The following MBD5 variants were observed in gnomAD, a reference collection of about 807,000 sequenced individuals.
The protein encoded by MBD5 is methyl-CpG-binding domain protein 5.
MBD5 carries 13 observed loss-of-function variants against 117.3 expected under a neutral mutation model. The observed-to-expected ratio is 0.11, with a 90% CI of 0.07 to 0.18. The LOEUF (loss-of-function observed/expected upper bound fraction) is 0.18. Ranked by LOEUF, MBD5 falls within the 10% of genes least tolerant of loss-of-function variation. The probability of loss-of-function intolerance (pLI) is 1.00; values close to 1 mark genes in which losing one functional copy is unlikely to be tolerated. For synonymous variants in MBD5, 727 were observed against 766.4 expected (o/e 0.95, Z 0.85); for missense variants, 1,879 against 2,093.8 (o/e 0.90, Z 2.00).
intron 3 of MBD5, among the ~76,000 whole-genome samples, chr2:148,318,157 G>A (rs553565020): frequency 2.6e-5 from 4 of 152,142 alleles, no homozygotes; most frequent in African/African-American, 9.7e-5. Flanking sequence ...TCTGACTGGT[G>A]TAAGATGGCA....
In MBD5 at chr2:148,463,780, C is replaced by T. The variant is rs542137271; in HGVS notation, c.258C>T (p.Thr86=). The change falls in exon 7 of 14, where the codon ACC becomes ACT. Residue 86 remains threonine, a synonymous_variant. Coordinates refer to ENST00000642680, the MANE Select transcript of MBD5 (RefSeq NM_001378120.1). ...FDPGAAVKQR[T]AEDVKADEDV... Reference sequence around the variant, plus strand: ...CTGGAGCTGCTGTGAAACAGAGAACCGCAGAAGATGTTAAGGCAGATGAAG... The same window carrying T: ...CTGGAGCTGCTGTGAAACAGAGAACTGCAGAAGATGTTAAGGCAGATGAAG... The T allele has an allele frequency of 9.9e-6, 16 of 1,613,618 alleles. No individual in the cohort carries two copies. Among genetic ancestry groups the T allele is most frequent in the Admixed American group, 1.7e-5 (1 of 59,960 alleles).
At chr2:148,362,616 G>A (rs918532448) in intron 4 of MBD5, among the ~76,000 whole-genome samples, 12 of 152,172 alleles carry the variant, frequency 7.9e-5, no homozygotes, top group Admixed American at 3.3e-4. Context: ...TGCATCTCCC[G>A]GCACAATGCT....
intron 3 of MBD5, among the ~76,000 whole-genome samples, chr2:148,283,877 C>A (rs1322976951): frequency 6.6e-6 from 1 of 152,144 alleles, no homozygotes; most frequent in Admixed American, 6.5e-5. Flanking sequence ...TCCTAACTTG[C>A]CACATTTGAT....
intron 1 of MBD5, among the ~76,000 whole-genome samples, chr2:148,104,245 T>C (rs1696310225): frequency 6.6e-6 from 1 of 152,176 alleles, no homozygotes; most frequent in African/African-American, 2.4e-5. Context: ...TCTTGTATCC[T>C]TAGCAGCTAA....
At chr2:148,149,951 C>G (rs1697596774) in intron 1 of MBD5, among the ~76,000 whole-genome samples, 2 of 141,124 alleles carry the variant, frequency 1.4e-5, no homozygotes, top group Non-Finnish European at 3.1e-5. Flanking sequence ...TTAATTAGAT[C>G]CCATTTGTCA....
chr2:148,330,850 T>C (rs1559026870), intron 3 of MBD5, among the ~76,000 whole-genome samples: 1 of 152,198 alleles, frequency 6.6e-6, no homozygotes, highest in Non-Finnish European at 1.5e-5. Context: ...CTCAGGCATT[T>C]TGGTAATTAC....
intron 1 of MBD5, among the ~76,000 whole-genome samples, chr2:148,119,139 A>G (rs1033428453): frequency 1.3e-5 from 2 of 152,220 alleles, no homozygotes; most frequent in Non-Finnish European, 2.9e-5. Context: ...TTCAAAAAAC[A>G]TAATGGGCAT....
At chr2:148,374,293 A>G (rs905672250) in intron 4 of MBD5, among the ~76,000 whole-genome samples, 3 of 151,734 alleles carry the variant, frequency 2.0e-5, no homozygotes, top group African/African-American at 7.3e-5. Flanking sequence ...GCATATGCCC[A>G]TGTATTTTCT....
At chr2:148,364,890 G>T (rs1703651503) in intron 4 of MBD5, among the ~76,000 whole-genome samples, 1 of 152,114 alleles carries the variant, frequency 6.6e-6, no homozygotes, top group Admixed American at 6.5e-5. Context: ...CACAATAATA[G>T]TGAGAGACTT....
intron 1 of MBD5, among the ~76,000 whole-genome samples, chr2:148,136,523 C>T (rs1226291677): frequency 1.3e-5 from 2 of 152,236 alleles, no homozygotes; most frequent in East Asian, 1.9e-4. Flanking sequence ...CCAAAGATTT[C>T]GAATCTCTTT....
At chr2:148,362,700 T>TC (rs1484544388) in intron 4 of MBD5, among the ~76,000 whole-genome samples, 1 of 152,154 alleles carries the variant, frequency 6.6e-6, no homozygotes, top group African/African-American at 2.4e-5. Flanking sequence ...GGGAGACACT[T>TC]CCCAGCAGGG....
At chr2:148,067,638 T>C (rs1695239817) in intron 1 of MBD5, among the ~76,000 whole-genome samples, 1 of 152,206 alleles carries the variant, frequency 6.6e-6, no homozygotes. Context: ...AAGATGTTGT[T>C]CAGAGTTACA....
At chr2:148,100,669 C>A (rs904759771) in intron 1 of MBD5, among the ~76,000 whole-genome samples, 2 of 152,188 alleles carry the variant, frequency 1.3e-5, no homozygotes, top group African/African-American at 4.8e-5. Context: ...GCCATATGTT[C>A]TCTCCTCATA....
At chr2:148,214,327 ACT>A (rs1291147009) in intron 2 of MBD5, among the ~76,000 whole-genome samples, 2 of 152,206 alleles carry the variant, frequency 1.3e-5, no homozygotes, top group African/African-American at 2.4e-5. Context: ...ATTTATAGAC[ACT>A]GAAATTTGAA....
At chr2:148,061,496 A>G (rs1454062609) in intron 1 of MBD5, among the ~76,000 whole-genome samples, 3 of 152,026 alleles carry the variant, frequency 2.0e-5, no homozygotes, top group Admixed American at 2.0e-4. Context: ...GAAATCTACC[A>G]TATCATAAAT....
intron 13 of MBD5, among the ~76,000 whole-genome samples, chr2:148,511,614 T>C (rs1487960139): frequency 6.6e-6 from 1 of 151,248 alleles, no homozygotes; most frequent in Non-Finnish European, 1.5e-5. Flanking sequence ...TTAAAAAATA[T>C]TAAAGTGCCA....
intron 2 of MBD5, among the ~76,000 whole-genome samples, chr2:148,188,493 C>G (rs1193497043): frequency 1.3e-5 from 2 of 151,934 alleles, no homozygotes; most frequent in East Asian, 3.9e-4. Flanking sequence ...TGAGACCAGC[C>G]TGGGCAACAT....
intron 4 of MBD5, among the ~76,000 whole-genome samples, chr2:148,391,541 TG>T (rs1410911843): frequency 1.3e-5 from 2 of 152,162 alleles, no homozygotes; most frequent in Admixed American, 6.5e-5. Flanking sequence ...GTTTTTCTTT[TG>T]ACATCATATA....
chr2:148,320,552 C>T (rs1702259837), intron 3 of MBD5, among the ~76,000 whole-genome samples: 1 of 152,038 alleles, frequency 6.6e-6, no homozygotes, highest in Non-Finnish European at 1.5e-5. Context: ...GATAGAGTTT[C>T]ACTATATTGC....
Sources: gnomAD v4.1 joint callset for allele counts (sites outside exome capture counted in the v4.1 genomes callset) on GRCh38, gnomAD v4.1.1 for gene constraint, MANE v1.5 for transcripts, NCBI Gene and HGNC (gene_info 2026-07-23, HGNC 2026-07-21) for gene names.